Variants in MYO5A observed in about 807,000 individuals in gnomAD.
The protein encoded by MYO5A is myosin VA, also known as unconventional myosin-Va.
A neutral mutation model predicts 249.7 loss-of-function variants in MYO5A; 98 were observed. The observed-to-expected ratio is 0.39, with a 90% CI of 0.33 to 0.46. The LOEUF (loss-of-function observed/expected upper bound fraction) is 0.46. Among genes scored for constraint, MYO5A ranks in the 20% least tolerant of loss-of-function variants. The pLI is 0.98. For synonymous variants in MYO5A, 778 were observed against 810.6 expected, an observed-to-expected ratio of 0.96 and a Z score of 0.68; for missense variants, 1,696 against 2,308.8, an observed-to-expected ratio of 0.73 and a Z score of 5.44.
chr15:52,384,650 C>G (rs531264480), intron 14 of MYO5A, among the ~76,000 whole-genome samples: 68 of 152,182 alleles, frequency 4.5e-4, no homozygotes, highest in African/African-American at 1.5e-3. Context: ...AATTATTTTA[C>G]GAGAAAAACA....
Position 52,353,600 on chromosome 15 carries a change from A to G in MYO5A, c.3621+5T>C, listed in dbSNP as rs1355545642. On this transcript the variant is annotated splice_donor_5th_base_variant and intron_variant, in intron 27 of 41. Transcript: ENST00000399233. ...TCAAAGTCTTGAGCAGAAACTCCCC[A>G]TTACCTTGAGTGACTCATATTCCAG... 1 of 1,613,534 alleles carries G rather than the reference A, an allele frequency of 6.2e-7. No homozygotes were observed. The highest frequency in any genetic ancestry group is 2.2e-5 in the East Asian group (1 of 44,874).
At chr15:52,362,664 C>T in intron 24 of MYO5A, among the ~76,000 whole-genome samples, 1 of 152,142 alleles carries the variant, frequency 6.6e-6, no homozygotes, top group Non-Finnish European at 1.5e-5. Flanking sequence ...ATGGAGAGGA[C>T]ACATGACTGA....
At chr15:52,459,614 AC>A (rs1280298063) in intron 1 of MYO5A, among the ~76,000 whole-genome samples, 4 of 152,146 alleles carry the variant, frequency 2.6e-5, no homozygotes, top group African/African-American at 9.7e-5. Context: ...TCTTTTCCCC[AC>A]ATTTCCCCCT....
intron 12 of MYO5A, among the ~76,000 whole-genome samples, chr15:52,390,547 T>C (rs2042175510): frequency 6.7e-6 from 1 of 148,508 alleles, no homozygotes; most frequent in Non-Finnish European, 1.5e-5. Flanking sequence ...TTTCTCCCTC[T>C]CTTTTTTTTT....
At chr15:52,426,820 G>A (rs1169636139) in intron 3 of MYO5A, among the ~76,000 whole-genome samples, 1 of 151,986 alleles carries the variant, frequency 6.6e-6, no homozygotes, top group Non-Finnish European at 1.5e-5. Flanking sequence ...TTTTTCTGTA[G>A]GTGTATATTA....
intron 40 of MYO5A, among the ~76,000 whole-genome samples, chr15:52,315,565 G>T (rs992161901): frequency 6.6e-6 from 1 of 151,930 alleles, no homozygotes; most frequent in African/African-American, 2.4e-5. Flanking sequence ...GTAGAGATGG[G>T]GTTTCACCAT....
Position 52,364,534 on chromosome 15 carries a change from A to C in MYO5A, c.3309+20T>G. On this transcript the variant is annotated intron_variant, in intron 24 of 41. Transcript: ENST00000399233. ...GTTTAAAATTTTTCATTAAAAAAAA[A>C]ACAAAAGTGTTTGACTCACCACCAT... 6.3e-7 allele frequency: 1 copy of C among 1,588,250 alleles called. No homozygotes were observed. The highest frequency in any genetic ancestry group is 8.5e-7 in the Non-Finnish European group (1 of 1,175,076).
intron 24 of MYO5A, among the ~76,000 whole-genome samples, chr15:52,363,878 A>G (rs936737877): frequency 6.6e-6 from 1 of 152,248 alleles, no homozygotes; most frequent in African/African-American, 2.4e-5. Context: ...ATAGGAATAT[A>G]TCTTCAAAAT....
intron 1 of MYO5A, among the ~76,000 whole-genome samples, chr15:52,489,152 G>A (rs1032970913): frequency 2.0e-5 from 3 of 152,180 alleles, no homozygotes; most frequent in African/African-American, 4.8e-5. Flanking sequence ...AGCTAAAACT[G>A]TAAGACTCTT....
intron 20 of MYO5A, among the ~76,000 whole-genome samples, chr15:52,374,114 T>C (rs946235975): frequency 6.6e-6 from 1 of 152,158 alleles, no homozygotes; most frequent in South Asian, 2.1e-4. Context: ...ATTTGAAATA[T>C]AGCCTGTAGG....
At chr15:52,496,546 G>A (rs145070184) in intron 1 of MYO5A, among the ~76,000 whole-genome samples, 70 of 152,272 alleles carry the variant, frequency 4.6e-4, no homozygotes, top group African/African-American at 1.5e-3. Context: ...CCTCCGAAGA[G>A]TATTCATTAA....
chr15:52,438,971 C>G (rs1467897971), intron 1 of MYO5A, among the ~76,000 whole-genome samples: 1 of 152,244 alleles, frequency 6.6e-6, no homozygotes, highest in South Asian at 2.1e-4. Context: ...CTGCTGCTCC[C>G]GATAGGGCTA....
Position 52,428,521 on chromosome 15 carries a change from G to C in MYO5A, c.187C>G (p.Arg63Gly). The C allele has an allele frequency of 6.2e-7, 1 of 1,614,174 alleles. No homozygotes were observed. The highest frequency in any genetic ancestry group is 8.5e-7 in the Non-Finnish European group (1 of 1,180,000). The change falls in exon 3 of 42, where the codon CGA (arginine) becomes GGA (glycine). Residue 63 changes from arginine to glycine, a missense_variant. Arg to Gly is a moderately radical substitution (Grantham distance 125). Coordinates refer to ENST00000399233, the MANE Select transcript of MYO5A (RefSeq NM_001382347.1). ...TCACCAACAAGTATGTCAGGATTTC[G>C]TAAGTGAGGCAGCTCCTTGGTCTTT... ...DPKTKELPHL[R>G]NPDILVGEND...
chr15:52,493,739 G>A (rs2076982143), intron 1 of MYO5A, among the ~76,000 whole-genome samples: 1 of 152,094 alleles, frequency 6.6e-6, no homozygotes, highest in African/African-American at 2.4e-5. Context: ...GAAGACATTA[G>A]GCTCAGTGTG....
At chr15:52,392,575 C>A (rs1420466468) in intron 11 of MYO5A, among the ~76,000 whole-genome samples, 1 of 152,220 alleles carries the variant, frequency 6.6e-6, no homozygotes, top group East Asian at 1.9e-4. Flanking sequence ...CCTGACTGCC[C>A]TGATTATCTG....
rs751411629 is a variant in MYO5A at position 52,367,093 on chromosome 15, A to C, written c.3098T>G (p.Leu1033Trp). 4.0e-5 allele frequency: 65 copies of C among 1,613,622 alleles called. No homozygotes were observed. In the African/African-American group the frequency reaches 7.6e-4, roughly 19 times the overall value. Residue 1033 changes from leucine to tryptophan, a missense_variant, in exon 23 of 42, where the codon TTG (leucine) becomes TGG (tryptophan). Around this residue, in one of 5 missense-constraint regions of MYO5A, gnomAD observed 412 missense variants for 453.3 expected, o/e 0.91. Transcript: ENST00000399233. ...LVSNLKEENT[L>W]LKQEKEALNH... ...GAGGGCTTCTTTTTCTTGCTTCAGC[A>C]AAGTATTTTCTTCCTTCAGATTTGA...
intron 31 of MYO5A, 31 bp from the exon 32 acceptor site, chr15:52,340,425 A>G: frequency 6.2e-7 from 1 of 1,601,006 alleles, no homozygotes. Context: ...TCGGAAGGGG[A>G]GACGACACCC....
intron 12 of MYO5A, among the ~76,000 whole-genome samples, chr15:52,390,543 CCTCT>C (rs1165010549): frequency 6.6e-6 from 1 of 150,750 alleles, no homozygotes; most frequent in Non-Finnish European, 1.5e-5. Flanking sequence ...ATTATTTCTC[CCTCT>C]CTTTTTTTTT....
At chr15:52,389,450 T>A (rs1595577940) in intron 12 of MYO5A, 87 bp from the exon 13 acceptor site, 4 of 1,372,940 alleles carry the variant, frequency 2.9e-6, no homozygotes, top group African/African-American at 2.9e-5. Flanking sequence ...TCTTTTATTT[T>A]TTTTTTTTGG....
Sources: allele counts gnomAD v4.1 joint callset (sites outside exome capture counted in the v4.1 genomes callset), GRCh38; gene constraint gnomAD v4.1.1; regional missense constraint gnomAD v4.1.1; transcripts MANE v1.5; gene names NCBI Gene and HGNC (gene_info 2026-07-23, HGNC 2026-07-21).